The following ITGA2 variants were observed in gnomAD, a reference collection of about 807,000 sequenced individuals.
ITGA2 encodes integrin subunit alpha 2, also known as integrin alpha-2.
In ITGA2, 101 loss-of-function variants were observed where a neutral mutation model predicts 146.3. The ratio of observed to expected loss-of-function variants is 0.69; its 90% CI spans 0.59 to 0.81. The LOEUF is 0.81. Among genes scored for constraint, ITGA2 ranks in the 40% least tolerant of loss-of-function variants. The probability of loss-of-function intolerance (pLI) is 0.00; values close to 1 mark genes in which losing one functional copy is unlikely to be tolerated. For synonymous variants in ITGA2, 477 were observed against 487.1 expected (o/e 0.98, Z 0.27); for missense variants, 1,281 against 1,402.7 (o/e 0.91, Z 1.39).
chr5:53,032,468 G>A (rs1423225513), intron 2 of ITGA2, among the ~76,000 whole-genome samples: 2 of 151,934 alleles, frequency 1.3e-5, no homozygotes, highest in Non-Finnish European at 2.9e-5. Context: ...ACAAATGAGA[G>A]GAGTGTGACT....
At chr5:53,079,334 A>G (rs1180298778) in intron 24 of ITGA2, among the ~76,000 whole-genome samples, 2 of 152,150 alleles carry the variant, frequency 1.3e-5, no homozygotes, top group African/African-American at 4.8e-5. Flanking sequence ...TATTATGCCA[A>G]TTTATCCTCA....
In ITGA2 at chr5:52,989,461, G is replaced by T. The variant is rs1345275687; in HGVS notation, c.-8G>T. On this transcript the variant is annotated 5_prime_UTR_variant, in exon 1 of 30. Coordinates refer to ENST00000296585, the MANE Select transcript of ITGA2 (RefSeq NM_002203.4). ...CAGCGCAACTACGGTCCCCCGGTCA[G>T]ACCCAGGATGGGGCCAGAACGGACA... 2 of 1,614,204 alleles carry T rather than the reference G, an allele frequency of 1.2e-6. No homozygotes were observed. The highest frequency in any genetic ancestry group is 1.7e-6 in the Non-Finnish European group (2 of 1,180,010).
chr5:53,060,371 C>T (rs1390391169), intron 11 of ITGA2, among the ~76,000 whole-genome samples: 2 of 151,908 alleles, frequency 1.3e-5, no homozygotes, highest in African/African-American at 4.8e-5. Context: ...ACTGATTTTG[C>T]AGACTTACTA....
intron 1 of ITGA2, among the ~76,000 whole-genome samples, chr5:53,019,978 A>T (rs1742593511): frequency 6.6e-6 from 1 of 152,194 alleles, no homozygotes; most frequent in African/African-American, 2.4e-5. Flanking sequence ...AGGTATGTAT[A>T]TATAGAAAAA....
chr5:53,048,017 A>C (rs1372568419), intron 4 of ITGA2, among the ~76,000 whole-genome samples: 2 of 152,204 alleles, frequency 1.3e-5, no homozygotes, highest in Non-Finnish European at 2.9e-5. Context: ...AATGAGAGAC[A>C]AAAAGTGAAC....
chr5:53,011,739 G>GC (rs528843232), intron 1 of ITGA2, among the ~76,000 whole-genome samples: 1 of 151,940 alleles, frequency 6.6e-6, no homozygotes, highest in Non-Finnish European at 1.5e-5. Flanking sequence ...ATGTGAGTGG[G>GC]GGGGAGTGAG....
chr5:53,041,000 T>G (rs1431200893), intron 2 of ITGA2, among the ~76,000 whole-genome samples: 2 of 152,192 alleles, frequency 1.3e-5, no homozygotes, highest in Non-Finnish European at 2.9e-5. Context: ...TTAATCCTTT[T>G]GTATCTACCG....
chr5:53,046,133 T>C (rs904255545), intron 4 of ITGA2, among the ~76,000 whole-genome samples: 3 of 143,520 alleles, frequency 2.1e-5, no homozygotes, highest in Non-Finnish European at 3.0e-5. Context: ...AAAAGTTGCA[T>C]GCACTGAGCC....
intron 27 of ITGA2, among the ~76,000 whole-genome samples, chr5:53,084,169 C>T (rs1409654113): frequency 6.6e-6 from 1 of 152,186 alleles, no homozygotes; most frequent in African/African-American, 2.4e-5. Flanking sequence ...TAAGGATAGA[C>T]AGGCCTCCTT....
At position 53,026,836 on chromosome 5, in the gene ITGA2, A is replaced by G. The variant is rs756580068; in HGVS notation, c.153A>G (p.Ala51=). 3 of 1,613,428 alleles carry G rather than the reference A, an allele frequency of 1.9e-6. No individual in the cohort carries two copies. The highest frequency in any genetic ancestry group is 3.3e-5 in the Admixed American group (2 of 59,990). The part of the protein sequence containing the change: ...SGPSSEQFGY[A]VQQFINPKGN... The stretch of plus-strand genomic sequence containing the variant: ...CTTCAAGTGAACAGTTTGGCTATGC[A>G]GTGCAGCAGTTTATAAATCCAAAAG... The change falls in exon 2 of 30, where the codon GCA becomes GCG. Residue 51 remains alanine, a synonymous_variant. Transcript: ENST00000296585.
intron 18 of ITGA2, 49 bp from the exon 19 acceptor site, chr5:53,072,564 C>T: frequency 1.4e-6 from 2 of 1,422,452 alleles, no homozygotes; most frequent in Non-Finnish European, 2.0e-6. Flanking sequence ...CTGTAATTTG[C>T]TTTTTCAACC....
At chr5:53,038,201 C>T in intron 2 of ITGA2, among the ~76,000 whole-genome samples, 1 of 104,098 alleles carries the variant, frequency 9.6e-6, no homozygotes, top group Admixed American at 1.1e-4. Context: ...CTACCAGAGG[C>T]TCTGATAAAA....
intron 3 of ITGA2, among the ~76,000 whole-genome samples, chr5:53,043,380 G>A (rs1480135792): frequency 4.0e-5 from 6 of 151,808 alleles, no homozygotes; most frequent in South Asian, 2.1e-4. Context: ...ACATGTACTG[G>A]CCTATCTTCT....
chr5:52,995,019 AAAGC>A (rs1199336434), intron 1 of ITGA2, among the ~76,000 whole-genome samples: 7 of 152,234 alleles, frequency 4.6e-5, no homozygotes, highest in African/African-American at 9.6e-5. Flanking sequence ...TGATACTAGA[AAAGC>A]AAGCAACATA....
rs1246444932 is a variant in ITGA2, at chr5:53,062,910, A to G, written c.1583A>G (p.Tyr528Cys). The G allele has an allele frequency of 1.2e-6, 2 of 1,610,254 alleles. No individual in the cohort carries two copies. Among genetic ancestry groups the G allele is most frequent in the African/African-American group, 1.3e-5 (1 of 74,632 alleles). Residue 528 changes from tyrosine to cysteine, a missense_variant, in exon 13 of 30, where the codon TAC (tyrosine) becomes TGC (cysteine). This residue lies in a region of ITGA2 where 795 missense variants were observed against 841.7 expected (regional missense o/e 0.94). Coordinates refer to ENST00000296585, the MANE Select transcript of ITGA2 (RefSeq NM_002203.4). ...SDLKKEEGRV[Y>C]LFTIKEGILG... ...CTAAAGAAAGAGGAAGGAAGAGTCT[A>G]CCTGTTTACTATCAAAGAGGTAAAA...
At chr5:53,013,727 C>CT (rs1280872204) in intron 1 of ITGA2, among the ~76,000 whole-genome samples, 3 of 152,114 alleles carry the variant, frequency 2.0e-5, no homozygotes, top group Non-Finnish European at 2.9e-5. Context: ...TTGATTCTTC[C>CT]TAGCCACAAG....
intron 1 of ITGA2, among the ~76,000 whole-genome samples, chr5:53,013,065 T>C (rs1742221096): frequency 1.3e-5 from 2 of 152,098 alleles, no homozygotes; most frequent in South Asian, 4.1e-4. Context: ...GTTTACTCTG[T>C]TGATAGTTTA....
At chr5:53,033,652 C>A (rs907466950) in intron 2 of ITGA2, among the ~76,000 whole-genome samples, 9 of 152,112 alleles carry the variant, frequency 5.9e-5, no homozygotes, top group Non-Finnish European at 1.5e-5. Flanking sequence ...GGCTGGAATG[C>A]AGTGGCTCAA....
Position 53,065,009 on chromosome 5 carries a change from A to G in ITGA2, c.1700A>G (p.Asp567Gly), listed in dbSNP as rs754942059. The change falls in exon 14 of 30, where the codon GAT becomes GGT. Residue 567 changes from aspartate (D) to glycine (G), a missense_variant. Physicochemically the swap from Asp to Gly is moderately conservative, Grantham distance 94 (BLOSUM62 -1). Around this residue, in one of 3 missense-constraint regions of ITGA2, gnomAD observed 795 missense variants for 841.7 expected, o/e 0.94. Transcript: ENST00000296585. ...AIAALSDINM[D>G]GFNDVIVGSP... ...GCAGCTCTTTCAGACATCAACATGG[A>G]TGGCTTTAATGATGTGATTGTTGGT... 1 of 1,612,766 alleles carries G rather than the reference A, an allele frequency of 6.2e-7. No homozygotes were observed. The highest frequency in any genetic ancestry group is 8.5e-7 in the Non-Finnish European group (1 of 1,179,196).
Sources: allele counts gnomAD v4.1 joint callset (sites outside exome capture counted in the v4.1 genomes callset), GRCh38; gene constraint gnomAD v4.1.1; regional missense constraint gnomAD v4.1.1; transcripts MANE v1.5; gene names NCBI Gene and HGNC (gene_info 2026-07-23, HGNC 2026-07-21).